Variants in STARD13 observed in about 807,000 individuals in gnomAD.
STARD13 encodes StAR related lipid transfer domain containing 13, also known as stAR-related lipid transfer protein 13.
Under a neutral mutation model 106.4 loss-of-function variants are expected in STARD13, and 62 were observed. The ratio of observed to expected loss-of-function variants is 0.58; its 90% CI spans 0.48 to 0.72. STARD13 has a LOEUF of 0.72. STARD13 is among the 30% of genes least tolerant of loss of function. The pLI, the probability that STARD13 is intolerant of heterozygous loss-of-function variation, is 0.00. For missense variants in STARD13, 1,387 were observed against 1,424.0 expected (o/e 0.97, Z 0.42); for synonymous variants, 565 against 553.0 (o/e 1.02, Z -0.31).
chr13:33,287,383 T>G (rs1892107628), upstream of STARD13, among the ~76,000 whole-genome samples: 1 of 152,104 alleles, frequency 6.6e-6, no homozygotes, highest in Admixed American at 6.5e-5. Flanking sequence ...CTACCTCACG[T>G]AGTTGGTAAT....
chr13:33,349,781 C>T (rs571431587), intron 1 of STARD13, among the ~76,000 whole-genome samples: 158 of 152,366 alleles, frequency 1.0e-3, no homozygotes, highest in African/African-American at 3.7e-3. Flanking sequence ...CGTCACATCC[C>T]CCCCTCTACC....
chr13:33,282,623 T>G (rs1891848117), intron 1 of STARD13, among the ~76,000 whole-genome samples: 1 of 152,188 alleles, frequency 6.6e-6, no homozygotes, highest in African/African-American at 2.4e-5. Flanking sequence ...TAAAGTAGAA[T>G]AATGCAAACA....
the STARD13 span, among the ~76,000 whole-genome samples, chr13:33,555,495 T>C: frequency 6.6e-6 from 1 of 152,242 alleles, no homozygotes; most frequent in South Asian, 2.1e-4. Flanking sequence ...GGTTTGTTTT[T>C]ATTATAAATT....
At chr13:33,389,272 G>T in the STARD13 span, among the ~76,000 whole-genome samples, 1 of 152,026 alleles carries the variant, frequency 6.6e-6, no homozygotes, top group Non-Finnish European at 1.5e-5. Context: ...GAGGTTAGTG[G>T]TCCTCCTAAG....
chr13:33,239,981 A>T (rs1889387385), intron 1 of STARD13, among the ~76,000 whole-genome samples: 1 of 152,158 alleles, frequency 6.6e-6, no homozygotes, highest in Non-Finnish European at 1.5e-5. Context: ...CAATGTCATT[A>T]AGCTTTTCTC....
At chr13:33,616,056 A>T in the STARD13 span, among the ~76,000 whole-genome samples, 1 of 152,086 alleles carries the variant, frequency 6.6e-6, no homozygotes. Flanking sequence ...CTGTCGAGGA[A>T]GCCAGGCAAA....
At chr13:33,670,166 C>T in the STARD13 span, among the ~76,000 whole-genome samples, 1 of 152,178 alleles carries the variant, frequency 6.6e-6, no homozygotes, top group Non-Finnish European at 1.5e-5. Context: ...GACTACGATA[C>T]AGGCTGTGAC....
chr13:33,448,019 T>C, the STARD13 span, among the ~76,000 whole-genome samples: 1 of 152,154 alleles, frequency 6.6e-6, no homozygotes, highest in Non-Finnish European at 1.5e-5. Flanking sequence ...TAGAATAAAA[T>C]TGAGTTCTTC....
chr13:33,641,480 C>G, the STARD13 span, among the ~76,000 whole-genome samples: 1 of 152,138 alleles, frequency 6.6e-6, no homozygotes, highest in Non-Finnish European at 1.5e-5. Flanking sequence ...AATGAGAGTT[C>G]TGGTTTCTAT....
chr13:33,410,072 T>C, the STARD13 span, among the ~76,000 whole-genome samples: 1 of 152,240 alleles, frequency 6.6e-6, no homozygotes, highest in African/African-American at 2.4e-5. Flanking sequence ...AATCTGCCAC[T>C]TCACTTGGAA....
At chr13:33,490,485 C>T in the STARD13 span, among the ~76,000 whole-genome samples, 2 of 152,168 alleles carry the variant, frequency 1.3e-5, no homozygotes, top group African/African-American at 4.8e-5. Flanking sequence ...AGTGGAACAA[C>T]GCGGCAGAGA....
chr13:33,463,629 A>G, the STARD13 span, among the ~76,000 whole-genome samples: 1 of 152,180 alleles, frequency 6.6e-6, no homozygotes, highest in Non-Finnish European at 1.5e-5. Flanking sequence ...TATAGAACTC[A>G]CTAGGGTAAC....
At chr13:33,182,916 G>A (rs895770830) in intron 1 of STARD13, among the ~76,000 whole-genome samples, 1 of 152,228 alleles carries the variant, frequency 6.6e-6, no homozygotes. Context: ...TGGCCTCTGT[G>A]TGCTTCTGGG....
At chr13:33,364,178 T>C in the STARD13 span, among the ~76,000 whole-genome samples, 1 of 152,040 alleles carries the variant, frequency 6.6e-6, no homozygotes, top group African/African-American at 2.4e-5. Context: ...ATTAACCCCT[T>C]CCCTCAGCCA....
the STARD13 span, among the ~76,000 whole-genome samples, chr13:33,549,227 A>G: frequency 6.6e-6 from 1 of 152,206 alleles, no homozygotes; most frequent in Non-Finnish European, 1.5e-5. Flanking sequence ...TGCTATAGCT[A>G]TACATTCTTC....
intron 1 of STARD13, among the ~76,000 whole-genome samples, chr13:33,255,380 A>C (rs373360159): frequency 5.9e-5 from 9 of 151,984 alleles, no homozygotes; most frequent in Admixed American, 4.6e-4. Context: ...GCTAAGAAAA[A>C]TATTTATCCA....
upstream of STARD13, among the ~76,000 whole-genome samples, chr13:33,287,620 G>A (rs1892122697): frequency 6.6e-6 from 1 of 152,210 alleles, no homozygotes. Flanking sequence ...GAAAGGTCGA[G>A]CACCATATTG....
chr13:33,661,031 C>T, the STARD13 span, among the ~76,000 whole-genome samples: 4 of 152,144 alleles, frequency 2.6e-5, no homozygotes, highest in Non-Finnish European at 5.9e-5. Context: ...TTGGAACATA[C>T]TTATACTGAA....
rs1229779802 is a variant in STARD13 at position 33,329,643 on chromosome 13, T to TTG, written c.124+20645_124+20646dup. Among the ~76,000 whole-genome samples, 105 of 104,008 alleles carry TTG rather than the reference T, an allele frequency of 1.0e-3. 1 individual carries two copies. The highest frequency in any genetic ancestry group is 5.8e-3 in the Admixed American group (53 of 9,064). The allele number at this position is 104,008 out of a possible 152,430, so 68.2% of individuals were successfully genotyped here. On this transcript the variant is annotated intron_variant, in intron 1 of 5. Coordinates refer to the STARD13 transcript ENST00000567873. ...TTTTTTAAACCTGAATAATATTCCA[T>TTG]TGTGTGTGTGTATGTGTGTGTGTGT... is the stretch of plus-strand genomic sequence containing the variant.
Sources: allele counts gnomAD v4.1 joint callset (sites outside exome capture counted in the v4.1 genomes callset), GRCh38; gene constraint gnomAD v4.1.1; transcripts MANE v1.5; gene names NCBI Gene and HGNC (gene_info 2026-07-23, HGNC 2026-07-21).